Variants in RTN4 observed in about 807,000 individuals in gnomAD.
RTN4 encodes the protein reticulon 4, also known as reticulon-4.
In RTN4, 32 loss-of-function variants were observed where a neutral mutation model predicts 90.4. The observed-to-expected ratio is 0.35, with a 90% confidence interval of 0.27 to 0.48. The LOEUF is 0.48. Among genes scored for constraint, RTN4 ranks in the 20% least tolerant of loss-of-function variants. The probability of loss-of-function intolerance (pLI) is 0.99; values close to 1 mark genes in which losing one functional copy is unlikely to be tolerated. For synonymous variants in RTN4, 629 were observed against 552.5 expected (o/e 1.14, Z -1.94); for missense variants, 1,706 against 1,430.2 (o/e 1.19, Z -3.11).
chr2:55,075,984 GA>G (rs1668592636), intron 2 of RTN4, among the ~76,000 whole-genome samples: 1 of 152,118 alleles, frequency 6.6e-6, no homozygotes, highest in African/African-American at 2.4e-5. Context: ...AAAAATTATA[GA>G]ACAAACTTTG....
chr2:55,089,779 T>C (rs550461892), intron 1 of RTN4, among the ~76,000 whole-genome samples: 1 of 152,364 alleles, frequency 6.6e-6, no homozygotes, highest in Non-Finnish European at 1.5e-5. Flanking sequence ...AGCACAGCAC[T>C]GTGGTCCTTG....
chr2:55,074,411 G>A (rs759622051), intron 2 of RTN4, among the ~76,000 whole-genome samples: 2 of 151,510 alleles, frequency 1.3e-5, no homozygotes, highest in Non-Finnish European at 2.9e-5. Context: ...ACTGAGGCAG[G>A]AGGACTGCTT....
chr2:55,067,177 G>T (rs533489600), intron 2 of RTN4, among the ~76,000 whole-genome samples: 1 of 152,224 alleles, frequency 6.6e-6, no homozygotes, highest in South Asian at 2.1e-4. Flanking sequence ...CTGGCTCTCT[G>T]ACGTAAAATA....
the RTN4 span, among the ~76,000 whole-genome samples, chr2:55,137,745 G>A: frequency 6.6e-6 from 1 of 152,092 alleles, no homozygotes; most frequent in African/African-American, 2.4e-5. Flanking sequence ...CGACCTCTCA[G>A]CTGTAGCCTG....
At chr2:55,014,544 A>T (rs1680887905) in intron 3 of RTN4, 1 of 149,180 alleles carries the variant, frequency 6.7e-6, no homozygotes, top group Non-Finnish European at 1.5e-5. Context: ...TTGGAGACAG[A>T]GTCTCGCTCT....
chr2:54,987,526 T>G lies in RTN4; in HGVS notation c.3186A>C (p.Gln1062His). ...ISFRIYKGVI[Q>H]AIQKSDEGHP... ...GGCCTTCATCTGATTTCTGGATAGC[T>G]TGGATCACACCCTTGTATATCCTAA... Residue 1062 changes from glutamine to histidine, a missense_variant, in exon 4 of 9, where the codon CAA becomes CAC. Transcript: ENST00000337526. 1 of 1,614,178 alleles carries G rather than the reference T, an allele frequency of 6.2e-7. No homozygotes were observed. Among genetic ancestry groups the G allele is most frequent in the African/African-American group, 1.3e-5 (1 of 75,052 alleles).
At chr2:55,122,941 T>C in the RTN4 span, among the ~76,000 whole-genome samples, 1 of 152,222 alleles carries the variant, frequency 6.6e-6, no homozygotes. Flanking sequence ...AATGTACACA[T>C]GGACATTGCA....
chr2:55,022,930 C>CAG (rs1036253097), intron 3 of RTN4, among the ~76,000 whole-genome samples: 1 of 150,314 alleles, frequency 6.7e-6, no homozygotes, highest in Non-Finnish European at 1.5e-5. Context: ...CACACACACA[C>CAG]CCTGCTCTCC....
At chr2:55,083,104 G>C (rs541533184) in intron 1 of RTN4, among the ~76,000 whole-genome samples, 1 of 152,194 alleles carries the variant, frequency 6.6e-6, no homozygotes, top group Non-Finnish European at 1.5e-5. Context: ...GAGTACATAA[G>C]TTAATATCAA....
chr2:55,022,896 A>AACACACACACACACACACACACAC lies in RTN4; in HGVS notation c.3013+2166_3013+2189dup, dbSNP rs150779063. Among the ~76,000 whole-genome samples the AACACACACACACACACACACACAC allele has an allele frequency of 3.8e-3, 527 of 137,454 alleles. 2 individuals carry two copies. The highest frequency in any genetic ancestry group is 0.018 in the East Asian group (81 of 4,502). The allele number at this position is 137,454 out of a possible 152,430, so 90.2% of individuals were successfully genotyped here. ...CTCTGAAATTCTAAATTCAACATCC[A>AACACACACACACACACACACACAC]ACACACACACACACACACACACACA... On this transcript the variant is annotated intron_variant, in intron 3 of 8. Coordinates refer to ENST00000337526, the MANE Select transcript of RTN4 (RefSeq NM_020532.5).
At chr2:54,981,229 A>G (rs533449378) in intron 5 of RTN4, among the ~76,000 whole-genome samples, 264 of 152,308 alleles carry the variant, frequency 1.7e-3, no homozygotes, top group African/African-American at 5.8e-3. Context: ...CCAGAGACGC[A>G]AACAGCTGAA....
chr2:55,007,878 T>C (rs1300060793), intron 3 of RTN4, among the ~76,000 whole-genome samples: 1 of 152,114 alleles, frequency 6.6e-6, no homozygotes, highest in East Asian at 1.9e-4. Flanking sequence ...CTGTCTCAAC[T>C]ATAGCTTTTT....
At chr2:55,035,254 A>T (rs1005947467) in intron 1 of RTN4, among the ~76,000 whole-genome samples, 1 of 152,212 alleles carries the variant, frequency 6.6e-6, no homozygotes, top group South Asian at 2.1e-4. Flanking sequence ...ACATTCACCA[A>T]GATAAAACAT....
chr2:55,018,033 T>G (rs1681167978), intron 3 of RTN4, among the ~76,000 whole-genome samples: 1 of 152,188 alleles, frequency 6.6e-6, no homozygotes, highest in South Asian at 2.1e-4. Context: ...AATAAGAAGT[T>G]AGCCCAATGT....
chr2:55,021,483 C>CT (rs1440571275), intron 3 of RTN4, among the ~76,000 whole-genome samples: 4 of 116,492 alleles, frequency 3.4e-5, no homozygotes, highest in East Asian at 2.5e-4. Flanking sequence ...TTTTTTTTGT[C>CT]TTTTTTTTCT....
chr2:55,055,714 G>A (rs1668177378), upstream of RTN4, among the ~76,000 whole-genome samples: 1 of 151,124 alleles, frequency 6.6e-6, no homozygotes, highest in South Asian at 2.1e-4. Context: ...CGCTTGCAGT[G>A]AGCAGAGATC....
chr2:54,987,863 C>A (rs539849004), intron 3 of RTN4, among the ~76,000 whole-genome samples, 165 bp from the exon 4 acceptor site: 1 of 152,134 alleles, frequency 6.6e-6, no homozygotes, highest in Non-Finnish European at 1.5e-5. Flanking sequence ...CATTTTAAAC[C>A]CACTCTTAGT....
the RTN4 span, among the ~76,000 whole-genome samples, chr2:55,119,105 G>A: frequency 0.013 from 2,053 of 152,340 alleles, 44 homozygotes; most frequent in African/African-American, 0.046. Context: ...AGGAGACAGA[G>A]GTGGGAGGCT....
intron 5 of RTN4, among the ~76,000 whole-genome samples, chr2:54,980,254 G>A (rs1044230704): frequency 6.6e-6 from 1 of 152,020 alleles, no homozygotes; most frequent in Non-Finnish European, 1.5e-5. Context: ...CCTCATATTC[G>A]ATTCTCAAAT....
Sources: gnomAD v4.1 joint callset for allele counts (sites outside exome capture counted in the v4.1 genomes callset) on GRCh38, gnomAD v4.1.1 for gene constraint, MANE v1.5 for transcripts, NCBI Gene and HGNC (gene_info 2026-07-23, HGNC 2026-07-21) for gene names.